The following PTPRD variants were observed in gnomAD, a reference collection of about 807,000 sequenced individuals.
PTPRD encodes protein tyrosine phosphatase receptor type D, also known as receptor-type tyrosine-protein phosphatase delta.
PTPRD carries 34 observed loss-of-function variants against 214.5 expected under a neutral mutation model. The observed-to-expected ratio is 0.16, with a 90% CI of 0.12 to 0.21. PTPRD has a LOEUF of 0.21. Ranked by LOEUF, PTPRD falls within the 10% of genes least tolerant of loss-of-function variation. The pLI is 1.00. For missense variants in PTPRD, 2,545 were observed against 2,398.7 expected, an observed-to-expected ratio of 1.06 and a Z score of -1.27; for synonymous variants, 1,128 against 845.7, an observed-to-expected ratio of 1.33 and a Z score of -5.79.
At chr9:9,035,512 C>T (rs967538971) in intron 10 of PTPRD, among the ~76,000 whole-genome samples, 1 of 152,002 alleles carries the variant, frequency 6.6e-6, no homozygotes, top group African/African-American at 2.4e-5. Flanking sequence ...GCGCCATGCT[C>T]CAAGTTATAA....
chr9:10,302,782 CAA>C (rs1365079216), intron 3 of PTPRD, among the ~76,000 whole-genome samples: 1 of 152,144 alleles, frequency 6.6e-6, no homozygotes, highest in Non-Finnish European at 1.5e-5. Context: ...TAGATACCTG[CAA>C]AGAGACTTAG....
At chr9:9,080,130 G>A (rs1007963046) in intron 10 of PTPRD, among the ~76,000 whole-genome samples, 1 of 151,882 alleles carries the variant, frequency 6.6e-6, no homozygotes, top group African/African-American at 2.4e-5. Flanking sequence ...CTAGATCCCT[G>A]AATGCATTAT....
chr9:10,166,718 C>T (rs1448994979), intron 3 of PTPRD, among the ~76,000 whole-genome samples: 1 of 151,956 alleles, frequency 6.6e-6, no homozygotes, highest in Non-Finnish European at 1.5e-5. Flanking sequence ...ATAATAATAA[C>T]ACATTTTCAA....
chr9:8,454,614 A>G (rs889852067), intron 33 of PTPRD: 6 of 1,611,836 alleles, frequency 3.7e-6, no homozygotes, highest in Non-Finnish European at 5.1e-6. Flanking sequence ...AATGCAGCAA[A>G]AAAAGGAAAA....
intron 4 of PTPRD, among the ~76,000 whole-genome samples, chr9:10,031,938 A>G (rs2097088459): frequency 6.6e-6 from 1 of 152,062 alleles, no homozygotes; most frequent in Non-Finnish European, 1.5e-5. Flanking sequence ...AGAAGTCCCA[A>G]ATAAGTGGAA....
intron 3 of PTPRD, among the ~76,000 whole-genome samples, chr9:10,238,085 G>C (rs2099634947): frequency 6.6e-6 from 1 of 151,464 alleles, no homozygotes; most frequent in African/African-American, 2.4e-5. Context: ...ACGAAATAGA[G>C]CCATTTTGTA....
chr9:10,149,890 C>G (rs1214092050), intron 3 of PTPRD, among the ~76,000 whole-genome samples: 1 of 151,982 alleles, frequency 6.6e-6, no homozygotes, highest in Admixed American at 6.6e-5. Context: ...GCCACAACAC[C>G]CAGCTAATTT....
chr9:10,572,799 G>A (rs183733316), intron 2 of PTPRD, among the ~76,000 whole-genome samples: 21 of 152,190 alleles, frequency 1.4e-4, no homozygotes, highest in African/African-American at 3.6e-4. Context: ...ACTTTTGGTG[G>A]AAAACTGATG....
At chr9:8,940,858 T>TGATGAC (rs200583946) in intron 11 of PTPRD, among the ~76,000 whole-genome samples, 193 of 151,666 alleles carry the variant, frequency 1.3e-3, no homozygotes, top group Middle Eastern at 3.4e-3. Flanking sequence ...ATGATGATGA[T>TGATGAC]GTTCACAAGG....
chr9:8,922,255 T>C (rs2098832890), intron 11 of PTPRD, among the ~76,000 whole-genome samples: 1 of 152,198 alleles, frequency 6.6e-6, no homozygotes, highest in Non-Finnish European at 1.5e-5. Context: ...TTTTCTGAAA[T>C]GGGTGGACCC....
intron 33 of PTPRD, 60 bp downstream of exon 33, chr9:8,460,351 T>A: frequency 6.3e-7 from 1 of 1,586,502 alleles, no homozygotes; most frequent in Non-Finnish European, 8.6e-7. Flanking sequence ...AGAACAATGA[T>A]CAAGTCTTCA....
intron 7 of PTPRD, among the ~76,000 whole-genome samples, chr9:9,661,445 G>A (rs2096620257): frequency 6.6e-6 from 1 of 151,828 alleles, no homozygotes; most frequent in African/African-American, 2.4e-5. Context: ...TCATGTTGCT[G>A]CCATTTAACA....
At chr9:9,007,571 G>C (rs2154359631) in intron 11 of PTPRD, among the ~76,000 whole-genome samples, 1 of 151,758 alleles carries the variant, frequency 6.6e-6, no homozygotes, top group South Asian at 2.1e-4. Flanking sequence ...CTCCAAAACA[G>C]CTAAAACTTT....
intron 11 of PTPRD, among the ~76,000 whole-genome samples, chr9:8,856,631 T>C (rs1239299169): frequency 2.0e-5 from 3 of 152,092 alleles, no homozygotes; most frequent in South Asian, 2.1e-4. Context: ...TAGATGAGGC[T>C]GGGGGATTAC....
chr9:8,999,593 C>T (rs554394202), intron 11 of PTPRD, among the ~76,000 whole-genome samples: 33 of 151,992 alleles, frequency 2.2e-4, no homozygotes, highest in African/African-American at 7.2e-4. Flanking sequence ...TGCTTTATTG[C>T]GGTGGTCTGG....
intron 3 of PTPRD, among the ~76,000 whole-genome samples, chr9:10,338,669 T>C (rs1280356039): frequency 1.3e-5 from 2 of 151,820 alleles, no homozygotes; most frequent in Non-Finnish European, 2.9e-5. Flanking sequence ...GAATAGGTCC[T>C]ACGTCAAAGT....
chr9:9,510,928 A>T (rs973507643), intron 8 of PTPRD, among the ~76,000 whole-genome samples: 4 of 151,660 alleles, frequency 2.6e-5, no homozygotes, highest in African/African-American at 9.7e-5. Flanking sequence ...TCTCCATTTA[A>T]TTTTTCTAAT....
intron 9 of PTPRD, among the ~76,000 whole-genome samples, chr9:9,330,088 G>A (rs1452555528): frequency 6.6e-6 from 1 of 152,060 alleles, no homozygotes; most frequent in Non-Finnish European, 1.5e-5. Flanking sequence ...CTTTAGCCAT[G>A]GTGTCATGTT....
chr9:8,332,249 G>A (rs1330624128), intron 43 of PTPRD, among the ~76,000 whole-genome samples: 4 of 152,064 alleles, frequency 2.6e-5, no homozygotes, highest in Non-Finnish European at 5.9e-5. Flanking sequence ...CTGTGCTTGC[G>A]TATTTCTACC....
Sources: allele counts gnomAD v4.1 joint callset (sites outside exome capture counted in the v4.1 genomes callset), GRCh38; gene constraint gnomAD v4.1.1; transcripts MANE v1.5; gene names NCBI Gene and HGNC (gene_info 2026-07-23, HGNC 2026-07-21).